Variants in TAS2R1 observed in about 807,000 individuals in gnomAD.
TAS2R1 encodes taste 2 receptor member 1, also known as taste receptor type 2 member 1.
For missense variants in TAS2R1, 370 were observed against 353.4 expected, an observed-to-expected ratio of 1.05 and a Z score of -0.38; for synonymous variants, 141 against 134.2, an observed-to-expected ratio of 1.05 and a Z score of -0.35.
intron 1 of TAS2R1, among the ~76,000 whole-genome samples, chr5:9,681,103 A>T (rs1740986417): frequency 6.6e-6 from 1 of 151,948 alleles, no homozygotes; most frequent in African/African-American, 2.4e-5. Context: ...ATAAAATAAT[A>T]AAAATAAATC....
chr5:9,682,038 CT>C (rs1741004816), intron 1 of TAS2R1, among the ~76,000 whole-genome samples: 1 of 151,952 alleles, frequency 6.6e-6, no homozygotes, highest in South Asian at 2.1e-4. Context: ...CATTTTTTTT[CT>C]TTATCTTCAA....
At chr5:9,843,551 G>C in the TAS2R1 span, among the ~76,000 whole-genome samples, 2 of 152,208 alleles carry the variant, frequency 1.3e-5, no homozygotes, top group Non-Finnish European at 2.9e-5. Flanking sequence ...TTTCTGTATA[G>C]CAAGGTGCCA....
the TAS2R1 span, among the ~76,000 whole-genome samples, chr5:9,822,685 G>T: frequency 2.6e-5 from 4 of 151,994 alleles, no homozygotes; most frequent in African/African-American, 9.7e-5. Flanking sequence ...TGTAACATAT[G>T]TTATATGTAC....
At position 9,628,440 on chromosome 5, in the gene TAS2R1, C is replaced by T. The variant is rs574229946; in HGVS notation, c.*693G>A. On this transcript the variant is annotated 3_prime_UTR_variant, in exon 1 of 1. Coordinates refer to ENST00000382492, the MANE Select transcript of TAS2R1 (RefSeq NM_019599.3). ...ACAGGCATTCAGTCCTCTACTCCTC[C>T]TCCTCCTCCATCTGTCTTCCCCTTT... Among the ~76,000 whole-genome samples the T allele has an allele frequency of 6.6e-6, 1 of 152,320 alleles. No homozygotes were observed. The highest frequency in any genetic ancestry group is 2.1e-4 in the South Asian group (1 of 4,832).
intron 2 of TAS2R1, among the ~76,000 whole-genome samples, chr5:9,645,064 C>A (rs1256500907): frequency 1.3e-5 from 2 of 152,078 alleles, no homozygotes; most frequent in South Asian, 2.1e-4. Flanking sequence ...TGCACCAGAA[C>A]AAATTAAATA....
At chr5:9,835,532 C>A in the TAS2R1 span, among the ~76,000 whole-genome samples, 2 of 152,204 alleles carry the variant, frequency 1.3e-5, no homozygotes, top group African/African-American at 4.8e-5. Context: ...TCTAATAGAG[C>A]CAATTCTGAA....
chr5:9,640,497 T>TAAA (rs56140715), intron 2 of TAS2R1, among the ~76,000 whole-genome samples: 12,350 of 58,496 alleles, frequency 0.21, 2,507 homozygotes, highest in Middle Eastern at 0.39. Context: ...TTCAATTCCT[T>TAAA]AAAAAAAAAA....
chr5:9,876,735 A>G, the TAS2R1 span, among the ~76,000 whole-genome samples: 1 of 152,244 alleles, frequency 6.6e-6, no homozygotes, highest in Non-Finnish European at 1.5e-5. Flanking sequence ...TTTAAAAATT[A>G]TGAATACGAC....
intron 1 of TAS2R1, among the ~76,000 whole-genome samples, chr5:9,695,337 A>C (rs1741335780): frequency 6.6e-6 from 1 of 152,190 alleles, no homozygotes; most frequent in Non-Finnish European, 1.5e-5. Flanking sequence ...TTATAATGAA[A>C]CGAACAAAAA....
At chr5:9,714,199 C>T (rs1734760758), upstream of TAS2R1, 1 of 152,154 alleles carries the variant, frequency 6.6e-6, no homozygotes, top group African/African-American at 2.4e-5. Flanking sequence ...GCTTTTCCTC[C>T]CTGTGGCACA....
the TAS2R1 span, among the ~76,000 whole-genome samples, chr5:9,726,346 G>C: frequency 1.3e-5 from 2 of 152,174 alleles, no homozygotes; most frequent in African/African-American, 4.8e-5. Context: ...ACCAATCAGC[G>C]CCCTGTCAAA....
the TAS2R1 span, among the ~76,000 whole-genome samples, chr5:9,806,598 A>G: frequency 6.6e-6 from 1 of 152,110 alleles, no homozygotes; most frequent in Non-Finnish European, 1.5e-5. Flanking sequence ...AGAGTCAAAT[A>G]CTTACAGCCA....
the TAS2R1 span, among the ~76,000 whole-genome samples, chr5:9,776,423 G>A: frequency 1.1e-4 from 16 of 152,296 alleles, no homozygotes; most frequent in Middle Eastern, 3.4e-3. Context: ...TCGCTCCTGT[G>A]ACTTTTGGTT....
At chr5:9,670,101 C>T (rs1284303325) in intron 1 of TAS2R1, among the ~76,000 whole-genome samples, 1 of 151,716 alleles carries the variant, frequency 6.6e-6, no homozygotes, top group Non-Finnish European at 1.5e-5. Flanking sequence ...ACAAAAAAAC[C>T]CTCAGAGACT....
At chr5:9,771,635 A>C in the TAS2R1 span, among the ~76,000 whole-genome samples, 1 of 152,090 alleles carries the variant, frequency 6.6e-6, no homozygotes, top group Non-Finnish European at 1.5e-5. Context: ...TGAAACCATC[A>C]GGTCCAGGGC....
chr5:9,645,831 A>G (rs903613698), intron 2 of TAS2R1, among the ~76,000 whole-genome samples: 4 of 152,110 alleles, frequency 2.6e-5, no homozygotes, highest in Admixed American at 2.6e-4. Flanking sequence ...TGCCCAGAAA[A>G]GAGAAAGCAA....
the TAS2R1 span, among the ~76,000 whole-genome samples, chr5:9,885,484 G>T: frequency 6.6e-6 from 1 of 152,104 alleles, no homozygotes; most frequent in Non-Finnish European, 1.5e-5. Flanking sequence ...CCATAACTTT[G>T]TTTCTGCAAC....
At chr5:9,776,867 A>C in the TAS2R1 span, among the ~76,000 whole-genome samples, 1 of 152,348 alleles carries the variant, frequency 6.6e-6, no homozygotes, top group Non-Finnish European at 1.5e-5. Context: ...ATGTCCCAAT[A>C]AAGTGAGTCA....
chr5:9,770,162 AGATTATCCTTT>A, the TAS2R1 span, among the ~76,000 whole-genome samples: 4 of 152,152 alleles, frequency 2.6e-5, no homozygotes, highest in Non-Finnish European at 4.4e-5. Flanking sequence ...TTTATTGAAG[AGATTATCCTTT>A]CACCAATGTA....
Sources: allele counts gnomAD v4.1 joint callset (sites outside exome capture counted in the v4.1 genomes callset), GRCh38; gene constraint gnomAD v4.1.1; transcripts MANE v1.5; gene names NCBI Gene and HGNC (gene_info 2026-07-23, HGNC 2026-07-21).